Variants in FAM120B observed in about 807,000 individuals in gnomAD.
FAM120B encodes the protein constitutive coactivator of peroxisome proliferator-activated receptor gamma.
A neutral mutation model predicts 96.3 loss-of-function variants in FAM120B; 83 were observed. The ratio of observed to expected loss-of-function variants is 0.86; its 90% CI spans 0.72 to 1.03. The LOEUF (loss-of-function observed/expected upper bound fraction) is 1.03. FAM120B is among the 50% of genes least tolerant of loss of function. FAM120B has a pLI of 0.00. For missense variants in FAM120B, 1,027 were observed against 1,121.2 expected (o/e 0.92, Z 1.20); for synonymous variants, 407 against 402.7 (o/e 1.01, Z -0.13).
chr6:170,313,841 G>C (rs1416907849), intron 1 of FAM120B, among the ~76,000 whole-genome samples: 1 of 152,192 alleles, frequency 6.6e-6, no homozygotes, highest in East Asian at 1.9e-4. Flanking sequence ...GGTCTGTTAA[G>C]GTGGTTACAG....
At position 170,398,617 on chromosome 6, in the gene FAM120B, T is replaced by TAG. The variant is rs112412033; in HGVS notation, c.2692+3038_2692+3039insAG. 0.02 allele frequency among the ~76,000 whole-genome samples: 2,641 copies of TAG among 131,186 alleles called. 797 individuals carry two copies. In the East Asian group the frequency reaches 0.54, roughly 27 times the overall value. The allele number at this position is 131,186 out of a possible 152,430, so 86.1% of individuals were successfully genotyped here. A position where few individuals can be genotyped will look rare whatever the true frequency, so the allele number is the denominator to read the frequency against. ...GAAGGTAGAACTATGTCTTAACTCTTCGGAGTGAGTGGGAAAGGTAGAACT... is the reference window on the plus strand; with the variant it reads ...GAAGGTAGAACTATGTCTTAACTCTTAGCGGAGTGAGTGGGAAAGGTAGAACT... On this transcript the variant is annotated intron_variant, in intron 9 of 10. Coordinates refer to ENST00000476287, the MANE Select transcript of FAM120B (RefSeq NM_032448.3).
rs73790666 is a variant in FAM120B, at chr6:170,329,623, G to A, written c.1916-826G>A. On this transcript the variant is annotated intron_variant, in intron 3 of 10. Transcript: ENST00000476287. ...TTTTTTTTTCTTAGAAGGTTTTGAG[G>A]TGTTCTCTTTATCCTGTGATTAGCG... 6.4e-3 allele frequency among the ~76,000 whole-genome samples: 965 copies of A among 151,932 alleles called. 11 individuals carry two copies. Among genetic ancestry groups the A allele is most frequent in the African/African-American group, 0.022 (898 of 41,414 alleles).
chr6:170,355,103 A>G (rs1787818597), intron 5 of FAM120B, among the ~76,000 whole-genome samples: 1 of 152,226 alleles, frequency 6.6e-6, no homozygotes, highest in Non-Finnish European at 1.5e-5. Flanking sequence ...AAACAGGAAC[A>G]CTTTTACACT....
chr6:170,296,271 T>G (rs1288299609), intron 1 of FAM120B, among the ~76,000 whole-genome samples: 1 of 152,058 alleles, frequency 6.6e-6, no homozygotes, highest in African/African-American at 2.4e-5. Flanking sequence ...GGGGCTGTTT[T>G]CAGTGCGATG....
At chr6:170,306,197 C>A (rs960330084), upstream of FAM120B, among the ~76,000 whole-genome samples, 1 of 152,218 alleles carries the variant, frequency 6.6e-6, no homozygotes, top group African/African-American at 2.4e-5. Context: ...CTGACTGGGG[C>A]CGCGCCGTCC....
chr6:170,359,737 C>A (rs944503377), intron 6 of FAM120B, among the ~76,000 whole-genome samples: 1 of 152,148 alleles, frequency 6.6e-6, no homozygotes, highest in Admixed American at 6.5e-5. Flanking sequence ...CCACACCCGG[C>A]CACAACTTTC....
intron 9 of FAM120B, among the ~76,000 whole-genome samples, chr6:170,401,912 C>T (rs757882475): frequency 2.0e-5 from 3 of 151,832 alleles, no homozygotes; most frequent in Admixed American, 6.6e-5. Context: ...GGGCTGCCTC[C>T]GCAGCCTGCA....
upstream of FAM120B, among the ~76,000 whole-genome samples, chr6:170,305,626 G>C (rs763123134): frequency 6.6e-6 from 1 of 152,206 alleles, no homozygotes; most frequent in African/African-American, 2.4e-5. Context: ...CTGTGTGTAA[G>C]GATAGGTTTG....
chr6:170,358,113 T>A, intron 5 of FAM120B, 113 bp from the exon 6 acceptor site: 2 of 854,962 alleles, frequency 2.3e-6, no homozygotes, highest in Non-Finnish European at 3.7e-6. Context: ...TACGTGCCTG[T>A]GTGTGCATGT....
At chr6:170,293,846 G>A (rs1783938560), upstream of FAM120B, among the ~76,000 whole-genome samples, 2 of 148,958 alleles carry the variant, frequency 1.3e-5, no homozygotes, top group South Asian at 4.2e-4. Flanking sequence ...TAACTTCAGC[G>A]TTTCTATAGG....
chr6:170,386,496 A>G (rs1215508399), intron 6 of FAM120B, among the ~76,000 whole-genome samples: 2 of 152,234 alleles, frequency 1.3e-5, no homozygotes, highest in African/African-American at 2.4e-5. Flanking sequence ...AATTTCAGGT[A>G]AAATGAACAC....
chr6:170,305,704 A>T (rs1460760115), upstream of FAM120B, among the ~76,000 whole-genome samples: 1 of 152,210 alleles, frequency 6.6e-6, no homozygotes, highest in African/African-American at 2.4e-5. Context: ...TCAGAAAAAT[A>T]AATCAGATTG....
chr6:170,378,574 A>G (rs754921663), intron 6 of FAM120B, among the ~76,000 whole-genome samples: 1 of 152,186 alleles, frequency 6.6e-6, no homozygotes, highest in Non-Finnish European at 1.5e-5. Flanking sequence ...AGAGACGCCA[A>G]CCCTTGTCGG....
At chr6:170,304,599 G>A (rs1271037800), upstream of FAM120B, among the ~76,000 whole-genome samples, 2 of 151,944 alleles carry the variant, frequency 1.3e-5, no homozygotes, top group Non-Finnish European at 2.9e-5. Context: ...ATCCATCTGG[G>A]AGGCCAATGA....
At chr6:170,335,446 G>T (rs1236662726) in intron 4 of FAM120B, among the ~76,000 whole-genome samples, 2 of 152,016 alleles carry the variant, frequency 1.3e-5, no homozygotes, top group South Asian at 2.1e-4. Flanking sequence ...TTTTCTTTAT[G>T]CAGTCTATCA....
At chr6:170,385,760 A>G (rs1014161223) in intron 6 of FAM120B, among the ~76,000 whole-genome samples, 2 of 152,244 alleles carry the variant, frequency 1.3e-5, no homozygotes, top group African/African-American at 4.8e-5. Context: ...TAGATGAACG[A>G]ACTGTGGTCC....
chr6:170,356,555 G>A (rs919270996), intron 5 of FAM120B, among the ~76,000 whole-genome samples: 2 of 152,070 alleles, frequency 1.3e-5, no homozygotes, highest in African/African-American at 4.8e-5. Flanking sequence ...TATATGTGAG[G>A]GATTGGTCCC....
intron 9 of FAM120B, among the ~76,000 whole-genome samples, chr6:170,401,893 A>G (rs1778601210): frequency 6.6e-6 from 1 of 152,260 alleles, no homozygotes; most frequent in African/African-American, 2.4e-5. Flanking sequence ...GCCTGTAGTA[A>G]ACAACCCAGG....
At position 170,404,779 on chromosome 6, in the gene FAM120B, A is replaced by G. The variant is rs954779868; in HGVS notation, c.*28A>G. ...TTCCTCCAGAAAGAGTATGGAGAGAAAAAGAGGCACACCTGGACGCAGAGC... is the reference window on the plus strand; with the variant it reads ...TTCCTCCAGAAAGAGTATGGAGAGAGAAAGAGGCACACCTGGACGCAGAGC... On this transcript the variant is annotated 3_prime_UTR_variant, in exon 11 of 11. Transcript: ENST00000476287. 9 of 606,932 alleles carry G rather than the reference A, an allele frequency of 1.5e-5. No individual in the cohort carries two copies. The highest frequency in any genetic ancestry group is 1.2e-5 in the Non-Finnish European group (4 of 343,540). The allele number at this position is 606,932 out of a possible 1,614,324, so 37.6% of individuals were successfully genotyped here.
Sources: allele counts gnomAD v4.1 joint callset (sites outside exome capture counted in the v4.1 genomes callset), GRCh38; gene constraint gnomAD v4.1.1; transcripts MANE v1.5; gene names NCBI Gene and HGNC (gene_info 2026-07-23, HGNC 2026-07-21).